Variants in SIPA1L1 observed in about 807,000 individuals in gnomAD.
SIPA1L1 encodes signal-induced proliferation-associated 1-like protein 1.
A neutral mutation model predicts 162.7 loss-of-function variants in SIPA1L1; 26 were observed. The ratio of observed to expected loss-of-function variants is 0.16; its 90% CI spans 0.12 to 0.22. SIPA1L1 has a LOEUF of 0.22. Among genes scored for constraint, SIPA1L1 ranks in the 10% least tolerant of loss-of-function variants. The pLI, the probability that SIPA1L1 is intolerant of heterozygous loss-of-function variation, is 1.00. For missense variants in SIPA1L1, 1,874 were observed against 2,241.0 expected (o/e 0.84, Z 3.31); for synonymous variants, 829 against 837.4 (o/e 0.99, Z 0.17).
chr14:71,675,342 G>A (rs2045028912), intron 12 of SIPA1L1, among the ~76,000 whole-genome samples: 2 of 152,122 alleles, frequency 1.3e-5, no homozygotes, highest in Non-Finnish European at 2.9e-5. Context: ...GAGACACAGG[G>A]CCCCTTTCAC....
chr14:71,685,307 C>G, intron 12 of SIPA1L1, 55 bp from the exon 13 acceptor site: 1 of 1,580,426 alleles, frequency 6.3e-7, no homozygotes, highest in Non-Finnish European at 8.6e-7. Flanking sequence ...TGTGGTTCCA[C>G]CAGCAAGAAA....
At position 71,624,012 on chromosome 14, in the gene SIPA1L1, C is replaced by T. The variant is rs554064456; in HGVS notation, c.1630-36C>T. On this transcript the variant is annotated intron_variant, in intron 6 of 23. Coordinates refer to ENST00000381232, the MANE Select transcript of SIPA1L1 (RefSeq NM_001386936.1). ...TACATGTGTTCAGGCATCTCACATC[C>T]CAGAAGCCTCACCACAGCACCTGTC... 3.9e-6 allele frequency: 6 copies of T among 1,545,034 alleles called. No individual in the cohort carries two copies. In the East Asian group the frequency reaches 6.8e-5, roughly 17 times the overall value.
rs765751081 is a variant in SIPA1L1 at position 71,704,683 on chromosome 14, G to A, written c.3647-539G>A. 22 of 1,517,294 alleles carry A rather than the reference G, an allele frequency of 1.4e-5. No individual in the cohort carries two copies. The South Asian group carries it at 2.3e-4, about 16-fold the overall frequency. 94.0% of individuals were successfully genotyped at this position (1,517,294 alleles called of 1,614,324 possible). ...GTCCAAAAGGAAGCAATTGTTTTAAGTAAACTAGTTGCTGTGTGTCTTTTC... is the reference window on the plus strand; with the variant it reads ...GTCCAAAAGGAAGCAATTGTTTTAAATAAACTAGTTGCTGTGTGTCTTTTC... On this transcript the variant is annotated intron_variant, in intron 15 of 23. Coordinates refer to ENST00000381232, the MANE Select transcript of SIPA1L1 (RefSeq NM_001386936.1).
intron 2 of SIPA1L1, among the ~76,000 whole-genome samples, chr14:71,407,389 C>A (rs1282361695): frequency 2.0e-5 from 3 of 152,006 alleles, no homozygotes; most frequent in African/African-American, 4.8e-5. Context: ...TTTGAATTTT[C>A]TTTTCTTTTC....
chr14:71,556,428 G>T (rs1026785971), intron 4 of SIPA1L1, among the ~76,000 whole-genome samples: 48 of 152,290 alleles, frequency 3.2e-4, no homozygotes, highest in African/African-American at 1.1e-3. Flanking sequence ...CACAGGTTGG[G>T]GGCTCAGTCC....
chr14:71,344,398 T>G (rs563720102), intron 2 of SIPA1L1, among the ~76,000 whole-genome samples: 19 of 152,324 alleles, frequency 1.2e-4, no homozygotes, highest in Admixed American at 3.9e-4. Flanking sequence ...TCCCACAGTT[T>G]AGATTTAGGA....
chr14:71,437,679 A>G (rs1466870445), intron 2 of SIPA1L1, among the ~76,000 whole-genome samples: 4 of 152,192 alleles, frequency 2.6e-5, no homozygotes, highest in Non-Finnish European at 5.9e-5. Context: ...CAAGCATTTC[A>G]TTACTGATAC....
At chr14:71,524,041 A>G (rs563940338) in intron 3 of SIPA1L1, among the ~76,000 whole-genome samples, 1 of 152,306 alleles carries the variant, frequency 6.6e-6, no homozygotes, top group Non-Finnish European at 1.5e-5. Flanking sequence ...TAATTGTGCT[A>G]TTAAGATGTT....
chr14:71,343,515 A>T (rs187768392), intron 2 of SIPA1L1, among the ~76,000 whole-genome samples: 1 of 152,324 alleles, frequency 6.6e-6, no homozygotes, highest in Admixed American at 6.5e-5. Flanking sequence ...GAAGCAGTAT[A>T]TAAGACTTCG....
chr14:71,641,124 A>G (rs2148915614), intron 7 of SIPA1L1, among the ~76,000 whole-genome samples: 1 of 152,270 alleles, frequency 6.6e-6, no homozygotes. Flanking sequence ...ACAGCAAAAT[A>G]TATATATGAT....
intron 4 of SIPA1L1, among the ~76,000 whole-genome samples, chr14:71,542,127 T>C (rs1270644505): frequency 6.6e-6 from 1 of 152,128 alleles, no homozygotes; most frequent in Non-Finnish European, 1.5e-5. Context: ...TCACCCAGCC[T>C]GGAGTACAGT....
intron 2 of SIPA1L1, among the ~76,000 whole-genome samples, chr14:71,419,957 G>A (rs1457719490): frequency 2.6e-5 from 4 of 151,866 alleles, no homozygotes; most frequent in Non-Finnish European, 5.9e-5. Flanking sequence ...GGAAGTTGAG[G>A]GTGCAATGGG....
At chr14:71,639,429 T>C (rs1567372928) in intron 7 of SIPA1L1, among the ~76,000 whole-genome samples, 1 of 152,068 alleles carries the variant, frequency 6.6e-6, no homozygotes, top group Non-Finnish European at 1.5e-5. Context: ...AAGACCTAAA[T>C]AAATGGAGAG....
At chr14:71,392,831 T>A (rs2040873398) in intron 2 of SIPA1L1, among the ~76,000 whole-genome samples, 1 of 152,228 alleles carries the variant, frequency 6.6e-6, no homozygotes, top group African/African-American at 2.4e-5. Flanking sequence ...GCCGAAACTT[T>A]TTATTTAGCT....
Position 71,619,390 on chromosome 14 carries a change from T to C in SIPA1L1, c.1629+503T>C, listed in dbSNP as rs1052733213. ...GACCCATTGTCTGAGACCTAGAAGG[T>C]ACATTCTTTGAACCAGGGGCTATCT... On this transcript the variant is annotated intron_variant, in intron 6 of 23. Coordinates refer to ENST00000381232, the MANE Select transcript of SIPA1L1 (RefSeq NM_001386936.1). Among the ~76,000 whole-genome samples, 6 of 152,306 alleles carry C rather than the reference T, an allele frequency of 3.9e-5. No homozygotes were observed. In the East Asian group the frequency reaches 1.2e-3, roughly 29 times the overall value.
At chr14:71,731,522 G>A (rs117950085) in intron 20 of SIPA1L1, among the ~76,000 whole-genome samples, 206 of 152,228 alleles carry the variant, frequency 1.4e-3, no homozygotes, top group Non-Finnish European at 2.4e-3. Flanking sequence ...TCCCTACATC[G>A]GGGTCAGTCT....
rs192847987 is a variant in SIPA1L1, at chr14:71,685,126, C to T, written c.3105-236C>T. 2.0e-5 allele frequency among the ~76,000 whole-genome samples: 3 copies of T among 152,228 alleles called. No individual in the cohort carries two copies. In the East Asian group the frequency reaches 5.8e-4, roughly 29 times the overall value. ...TGGGTCCCATTGTTTTTTAAAGACT[C>T]CATATCTCGCACTCAAAAAGTTGGG... is the stretch of plus-strand genomic sequence containing the variant. On this transcript the variant is annotated intron_variant, in intron 12 of 23. Coordinates refer to ENST00000381232, the MANE Select transcript of SIPA1L1 (RefSeq NM_001386936.1).
intron 13 of SIPA1L1, among the ~76,000 whole-genome samples, chr14:71,695,844 A>G (rs2081587660): frequency 6.6e-6 from 1 of 152,252 alleles, no homozygotes. Flanking sequence ...TCAGGTTGAA[A>G]GGAATGTGGT....
intron 2 of SIPA1L1, among the ~76,000 whole-genome samples, chr14:71,396,940 AT>A (rs1409803359): frequency 6.6e-6 from 1 of 152,178 alleles, no homozygotes; most frequent in Non-Finnish European, 1.5e-5. Context: ...AATATCTTAT[AT>A]TTTTTGACAA....
Sources: gnomAD v4.1 joint callset for allele counts (sites outside exome capture counted in the v4.1 genomes callset) on GRCh38, gnomAD v4.1.1 for gene constraint, MANE v1.5 for transcripts, NCBI Gene and HGNC (gene_info 2026-07-23, HGNC 2026-07-21) for gene names.